The following SYCP2L variants were observed in gnomAD, a reference collection of about 807,000 sequenced individuals.
The protein encoded by SYCP2L is synaptonemal complex protein 2-like.
A neutral mutation model predicts 125.8 loss-of-function variants in SYCP2L; 98 were observed. That is an observed-to-expected ratio of 0.78 (90% CI 0.66 to 0.92). The LOEUF is 0.92. Among genes scored for constraint, SYCP2L ranks in the 40% least tolerant of loss-of-function variants. SYCP2L has a pLI of 0.00. For missense variants in SYCP2L, 842 were observed against 936.4 expected (o/e 0.90, Z 1.32); for synonymous variants, 317 against 325.4 (o/e 0.97, Z 0.28).
intron 23 of SYCP2L, among the ~76,000 whole-genome samples, chr6:10,950,277 T>C (rs1330974191): frequency 6.6e-6 from 1 of 152,222 alleles, no homozygotes; most frequent in Admixed American, 6.5e-5. Context: ...CCAATTTGAC[T>C]TGCCTTATGG....
chr6:10,939,386 A>G (rs1781171793), intron 21 of SYCP2L, among the ~76,000 whole-genome samples: 1 of 152,252 alleles, frequency 6.6e-6, no homozygotes, highest in Non-Finnish European at 1.5e-5. Flanking sequence ...CCTAAAATTT[A>G]TATGGAACCA....
At chr6:10,925,498 C>G (rs1181164323) in intron 15 of SYCP2L, among the ~76,000 whole-genome samples, 1 of 152,112 alleles carries the variant, frequency 6.6e-6, no homozygotes, top group Non-Finnish European at 1.5e-5. Flanking sequence ...GGAAACCTTT[C>G]TGTATCACAG....
rs780073062 is a variant in SYCP2L, at chr6:10,924,553, A to G, written c.1130A>G (p.Tyr377Cys). 8 of 1,604,564 alleles carry G rather than the reference A, an allele frequency of 5.0e-6. No homozygotes were observed. The highest frequency in any genetic ancestry group is 6.8e-6 in the Non-Finnish European group (8 of 1,177,502). ...CTGAAGAAGCCCATGATTATCAGCT[A>G]CAAAGAAGTCATGAAAATAGAAATC... ...IYLKKPMIIS[Y>C]KEVMKIEIHF... Residue 377 changes from tyrosine (Y) to cysteine (C), a missense_variant, in exon 15 of 30, where the codon TAC becomes TGC. By Grantham distance (194) the Tyr-to-Cys change is radical (BLOSUM62 -2). Transcript: ENST00000283141.
intron 23 of SYCP2L, among the ~76,000 whole-genome samples, chr6:10,947,627 A>T (rs1406774390): frequency 3.3e-5 from 5 of 152,080 alleles, no homozygotes; most frequent in Non-Finnish European, 7.4e-5. Context: ...CTGAACTCTT[A>T]TTAGGTCAAA....
intron 5 of SYCP2L, among the ~76,000 whole-genome samples, chr6:10,898,496 CAA>C (rs574463092): frequency 1.3e-3 from 201 of 152,196 alleles, no homozygotes; most frequent in African/African-American, 4.3e-3. Flanking sequence ...GCCTGGGAAA[CAA>C]GAGTGAAACT....
intron 5 of SYCP2L, 58 bp from the exon 6 acceptor site, chr6:10,898,766 C>A: frequency 9.0e-7 from 1 of 1,115,906 alleles, no homozygotes; most frequent in Non-Finnish European, 1.4e-6. Context: ...ATTCACATTA[C>A]GGTTTATCAT....
chr6:10,899,036 TTGTC>T (rs1292100186), intron 6 of SYCP2L, among the ~76,000 whole-genome samples, 188 bp downstream of exon 6: 1 of 152,192 alleles, frequency 6.6e-6, no homozygotes. Context: ...AGTCTTGTAT[TTGTC>T]TGAGAAGCAT....
chr6:10,910,970 G>A (rs1170609163), intron 12 of SYCP2L, 101 bp downstream of exon 12: 1 of 1,306,980 alleles, frequency 7.7e-7, no homozygotes, highest in African/African-American at 1.5e-5. Context: ...AACTCAAAAG[G>A]GCTTTTTAAA....
chr6:10,949,915 C>G (rs1781380721), intron 23 of SYCP2L, among the ~76,000 whole-genome samples: 2 of 152,012 alleles, frequency 1.3e-5, no homozygotes, highest in Non-Finnish European at 2.9e-5. Context: ...GTCCCACATT[C>G]TCATTCTTTT....
At chr6:10,957,906 C>T (rs1463072869) in intron 25 of SYCP2L, among the ~76,000 whole-genome samples, 1 of 152,184 alleles carries the variant, frequency 6.6e-6, no homozygotes, top group Admixed American at 6.5e-5. Flanking sequence ...CTTTGAGACA[C>T]TGTGCATACA....
In SYCP2L at chr6:10,902,800, A is replaced by G. The variant is rs760536511; in HGVS notation, c.552+38A>G. The G allele has an allele frequency of 1.4e-5, 22 of 1,611,706 alleles. No homozygotes were observed. In the Admixed American group the frequency reaches 2.3e-4, roughly 17 times the overall value. On this transcript the variant is annotated intron_variant, in intron 7 of 29. Transcript: ENST00000283141. ...TAACAAAACAGGTAATAGTGGTTCCAGAAACCTAAAAGAAGATCGTACATA... is the reference window on the plus strand; with the variant it reads ...TAACAAAACAGGTAATAGTGGTTCCGGAAACCTAAAAGAAGATCGTACATA...
At chr6:10,953,686 G>A (rs1476873863) in intron 23 of SYCP2L, among the ~76,000 whole-genome samples, 1 of 152,212 alleles carries the variant, frequency 6.6e-6, no homozygotes, top group Non-Finnish European at 1.5e-5. Context: ...AGACACTTCT[G>A]TAGGTGTCAG....
intron 29 of SYCP2L, among the ~76,000 whole-genome samples, chr6:10,970,576 G>C (rs1781753263): frequency 6.6e-6 from 1 of 152,200 alleles, no homozygotes; most frequent in Admixed American, 6.5e-5. Flanking sequence ...AGGATCAAGG[G>C]CAGCTTCTAG....
intron 23 of SYCP2L, among the ~76,000 whole-genome samples, chr6:10,947,992 C>T (rs1781345782): frequency 6.6e-6 from 1 of 152,068 alleles, no homozygotes; most frequent in African/African-American, 2.4e-5. Context: ...TTTTCTGCAT[C>T]AACTAAAATA....
At chr6:10,911,223 C>T (rs183514770) in intron 12 of SYCP2L, among the ~76,000 whole-genome samples, 11 of 152,168 alleles carry the variant, frequency 7.2e-5, no homozygotes, top group Middle Eastern at 3.4e-3. Context: ...TCTTTCCTTC[C>T]GGTTTATGCC....
chr6:10,970,446 T>C (rs1781751514), intron 29 of SYCP2L, among the ~76,000 whole-genome samples: 1 of 152,136 alleles, frequency 6.6e-6, no homozygotes, highest in African/African-American at 2.4e-5. Flanking sequence ...GAATGGGTAG[T>C]AGTCAAAGGA....
intron 5 of SYCP2L, among the ~76,000 whole-genome samples, chr6:10,898,434 ACCT>A (rs1275809118): frequency 6.6e-6 from 1 of 152,036 alleles, no homozygotes; most frequent in East Asian, 1.9e-4. Context: ...AATCGCTTGA[ACCT>A]GGGAGGCGGA....
At chr6:10,909,334 G>A (rs1467311623) in intron 10 of SYCP2L, among the ~76,000 whole-genome samples, 2 of 151,622 alleles carry the variant, frequency 1.3e-5, no homozygotes, top group Non-Finnish European at 2.9e-5. Flanking sequence ...CTCCATGTTG[G>A]TCAGGCTGGT....
intron 15 of SYCP2L, 118 bp downstream of exon 15, chr6:10,924,759 A>G (rs1225764): frequency 0.99 from 985,730 of 991,146 alleles, 490,229 homozygotes; most frequent in East Asian, 1. Flanking sequence ...CTGGTCTTTC[A>G]AATGCCATGT....
Sources: gnomAD v4.1 joint callset for allele counts (sites outside exome capture counted in the v4.1 genomes callset) on GRCh38, gnomAD v4.1.1 for gene constraint, MANE v1.5 for transcripts, NCBI Gene and HGNC (gene_info 2026-07-23, HGNC 2026-07-21) for gene names.